MAGI2: variants seen among roughly 807,000 people sequenced by gnomAD.
MAGI2 encodes membrane-associated guanylate kinase, WW and PDZ domain-containing protein 2.
MAGI2 carries 35 observed loss-of-function variants against 133.3 expected under a neutral mutation model. The observed-to-expected ratio is 0.26, with a 90% CI of 0.20 to 0.35. The LOEUF (loss-of-function observed/expected upper bound fraction) is 0.35, where lower values mean the gene tolerates loss of function less well. MAGI2 is among the 10% of genes least tolerant of loss of function. The pLI, the probability that MAGI2 is intolerant of heterozygous loss-of-function variation, is 1.00. For missense variants in MAGI2, 1,636 were observed against 1,863.4 expected (o/e 0.88, Z 2.25); for synonymous variants, 729 against 710.6 (o/e 1.03, Z -0.41).
chr7:79,151,356 C>T lies in MAGI2; in HGVS notation c.302-144150G>A, dbSNP rs371055485. 5.9e-5 allele frequency among the ~76,000 whole-genome samples: 9 copies of T among 152,082 alleles called. No individual in the cohort carries two copies. In the East Asian group the frequency reaches 1.5e-3, roughly 26 times the overall value. ...ACAATCTAACATTTGGCATATCTAA[C>T]GATGGAGCCCTATCTAGCTAAGTTA... On this transcript the variant is annotated intron_variant, in intron 1 of 21. Coordinates refer to ENST00000354212, the MANE Select transcript of MAGI2 (RefSeq NM_012301.4).
intron 5 of MAGI2, among the ~76,000 whole-genome samples, chr7:78,493,491 T>C (rs534879644): frequency 1.2e-4 from 19 of 152,276 alleles, no homozygotes; most frequent in Admixed American, 1.0e-3. Flanking sequence ...TGGCTAAGCA[T>C]TATGAATTCC....
rs535783022 is a variant in MAGI2, at chr7:78,778,049, G to A, written c.419-150810C>T. ...TTCTTGAGCTGCTCTTTATGGATTT[G>A]CATTTCTGATCTCATAATGAATCAT... On this transcript the variant is annotated intron_variant, in intron 2 of 21. Transcript: ENST00000354212. Among the ~76,000 whole-genome samples the A allele has an allele frequency of 8.9e-4, 135 of 152,280 alleles. 1 individual carries two copies. The highest frequency in any genetic ancestry group is 3.1e-3 in the African/African-American group (128 of 41,562).
intron 2 of MAGI2, among the ~76,000 whole-genome samples, chr7:78,814,419 G>C (rs540918024): frequency 3.3e-5 from 5 of 152,162 alleles, no homozygotes; most frequent in Non-Finnish European, 7.3e-5. Context: ...TCTACCACTT[G>C]CTAACTGAGT....
intron 2 of MAGI2, among the ~76,000 whole-genome samples, chr7:78,965,127 A>G (rs188275354): frequency 3.2e-4 from 49 of 151,542 alleles, no homozygotes; most frequent in Non-Finnish European, 1.8e-4. Flanking sequence ...ATAATTTAAA[A>G]TATTTGTATA....
chr7:78,372,549 T>C (rs1056547035), intron 6 of MAGI2, among the ~76,000 whole-genome samples: 4 of 152,090 alleles, frequency 2.6e-5, no homozygotes, highest in Admixed American at 2.0e-4. Context: ...ATAACATACA[T>C]GATGCAACAG....
chr7:78,253,804 G>A (rs760836877), intron 10 of MAGI2: 1 of 151,984 alleles, frequency 6.6e-6, no homozygotes, highest in Non-Finnish European at 1.5e-5. Context: ...AAAAACAGCC[G>A]ACCACCCATG....
chr7:78,312,987 G>A (rs181671000), intron 9 of MAGI2, among the ~76,000 whole-genome samples: 22 of 150,248 alleles, frequency 1.5e-4, no homozygotes, highest in Admixed American at 4.0e-4. Context: ...CACACACATC[G>A]CATAGAATAC....
chr7:79,171,770 A>ATATATATATATATATATATATTT, intron 1 of MAGI2, among the ~76,000 whole-genome samples: 2 of 31,224 alleles, frequency 6.4e-5, no homozygotes, highest in Non-Finnish European at 1.1e-4. Flanking sequence ...ATATATATAT[A>ATATATATATATATATATATATTT]TTTTTTTTTT....
intron 21 of MAGI2, among the ~76,000 whole-genome samples, chr7:78,023,618 T>C (rs1808627741): frequency 6.6e-6 from 1 of 152,202 alleles, no homozygotes; most frequent in Non-Finnish European, 1.5e-5. Flanking sequence ...CCAGGCCCAG[T>C]GGCTAAAATT....
In MAGI2 at chr7:78,981,478, C is replaced by T. The variant is rs1804777724; in HGVS notation, c.418+25612G>A. ...GATTTCAATCTATGTCTTTTAATGT[C>T]ACAATATTCTATTTTTTCATTATAA... is the stretch of plus-strand genomic sequence containing the variant. On this transcript the variant is annotated intron_variant, in intron 2 of 21. Coordinates refer to ENST00000354212, the MANE Select transcript of MAGI2 (RefSeq NM_012301.4). Among the ~76,000 whole-genome samples, 3 of 151,814 alleles carry T rather than the reference C, an allele frequency of 2.0e-5. No homozygotes were observed. The South Asian group carries it at 6.2e-4, about 31-fold the overall frequency.
At chr7:78,244,167 T>TAAAAAAAAAA (rs535442682) in intron 10 of MAGI2, among the ~76,000 whole-genome samples, 28 of 68,820 alleles carry the variant, frequency 4.1e-4, no homozygotes, top group South Asian at 5.7e-4. Flanking sequence ...CTATTTAAAT[T>TAAAAAAAAAA]AAAAAAAAAA....
chr7:79,086,918 A>G (rs1207135185), intron 1 of MAGI2, among the ~76,000 whole-genome samples: 1 of 151,824 alleles, frequency 6.6e-6, no homozygotes, highest in Admixed American at 6.6e-5. Context: ...CATTTCTCTT[A>G]GTTGAACTCC....
chr7:78,931,256 G>T (rs1032107325), intron 2 of MAGI2, among the ~76,000 whole-genome samples: 1 of 152,096 alleles, frequency 6.6e-6, no homozygotes, highest in Non-Finnish European at 1.5e-5. Context: ...TCAATGACTG[G>T]ATTTGATTTT....
In MAGI2 at chr7:79,064,391, A is replaced by G. The variant is rs142950401; in HGVS notation, c.302-57185T>C. Reference sequence around the variant, plus strand: ...TAAAGCTCAAAGTTCAATGACTTGCATAAGACCACAGAGTTGGTTTTAGCC... The same window carrying G: ...TAAAGCTCAAAGTTCAATGACTTGCGTAAGACCACAGAGTTGGTTTTAGCC... On this transcript the variant is annotated intron_variant, in intron 1 of 21. Transcript: ENST00000354212. Among the ~76,000 whole-genome samples the G allele has an allele frequency of 2.7e-3, 418 of 152,228 alleles. 3 individuals are homozygous for G. The highest frequency in any genetic ancestry group is 9.4e-3 in the African/African-American group (391 of 41,566).
At chr7:79,287,445 A>G (rs1181804287) in intron 1 of MAGI2, among the ~76,000 whole-genome samples, 1 of 152,124 alleles carries the variant, frequency 6.6e-6, no homozygotes, top group African/African-American at 2.4e-5. Context: ...TATTGTGCAG[A>G]ATTGGGAGAG....
intron 2 of MAGI2, among the ~76,000 whole-genome samples, chr7:78,663,965 T>C (rs1210049578): frequency 6.6e-6 from 1 of 152,174 alleles, no homozygotes; most frequent in Non-Finnish European, 1.5e-5. Context: ...TTTTTTGACA[T>C]TTTCATGGAA....
Position 78,459,009 on chromosome 7 carries a change from A to G in MAGI2, c.1045+30752T>C, listed in dbSNP as rs541201847. On this transcript the variant is annotated intron_variant, in intron 6 of 21. Coordinates refer to ENST00000354212, the MANE Select transcript of MAGI2 (RefSeq NM_012301.4). ...GCAACCAAAGTTATGATTGTCTTTAACTTAGAAGCTGTTGACTGATAATAC... is the reference window on the plus strand; with the variant it reads ...GCAACCAAAGTTATGATTGTCTTTAGCTTAGAAGCTGTTGACTGATAATAC... Among the ~76,000 whole-genome samples the G allele has an allele frequency of 3.3e-5, 5 of 152,366 alleles. No homozygotes were observed. In the East Asian group the frequency reaches 7.7e-4, roughly 23 times the overall value.
chr7:78,999,364 A>G (rs113843411), intron 2 of MAGI2, among the ~76,000 whole-genome samples: 40 of 152,172 alleles, frequency 2.6e-4, no homozygotes, highest in African/African-American at 8.9e-4. Flanking sequence ...TGTGGTGTCA[A>G]ATTGATAAAT....
chr7:78,079,761 G>A (rs1352524335), intron 20 of MAGI2, among the ~76,000 whole-genome samples: 2 of 152,156 alleles, frequency 1.3e-5, no homozygotes, highest in Admixed American at 6.6e-5. Context: ...GAAGCTGTCT[G>A]GTTAAATACC....
Sources: allele counts gnomAD v4.1 joint callset (sites outside exome capture counted in the v4.1 genomes callset), GRCh38; gene constraint gnomAD v4.1.1; transcripts MANE v1.5; gene names NCBI Gene and HGNC (gene_info 2026-07-23, HGNC 2026-07-21).